APBA1: variants seen among roughly 807,000 people sequenced by gnomAD.
APBA1 encodes amyloid-beta A4 precursor protein-binding family A member 1.
In APBA1, 55 loss-of-function variants were observed where a neutral mutation model predicts 86.6. The observed-to-expected ratio is 0.64, with a 90% confidence interval of 0.51 to 0.80. The LOEUF (loss-of-function observed/expected upper bound fraction) is 0.80. Among genes scored for constraint, APBA1 ranks in the 30% least tolerant of loss-of-function variants. The probability of loss-of-function intolerance (pLI) is 0.00; values close to 1 mark genes in which losing one functional copy is unlikely to be tolerated. For missense variants in APBA1, 1,090 were observed against 1,183.0 expected (o/e 0.92, Z 1.15); for synonymous variants, 511 against 493.9 (o/e 1.03, Z -0.46).
intron 4 of APBA1, among the ~76,000 whole-genome samples, chr9:69,470,636 T>C (rs1003709340): frequency 2.0e-5 from 3 of 152,200 alleles, no homozygotes; most frequent in African/African-American, 7.2e-5. Flanking sequence ...TGAGCCCTGG[T>C]AACCCTTTCC....
chr9:69,637,499 C>T (rs569412832), intron 1 of APBA1, among the ~76,000 whole-genome samples: 1 of 152,180 alleles, frequency 6.6e-6, no homozygotes, highest in African/African-American at 2.4e-5. Context: ...ATATTTATAC[C>T]ACTATGTACC....
In APBA1 at chr9:69,641,999, C is replaced by T. The variant is rs1823297427; in HGVS notation, c.-70+30154G>A. Among the ~76,000 whole-genome samples, 3 of 152,220 alleles carry T rather than the reference C, an allele frequency of 2.0e-5. No individual in the cohort carries two copies. In the South Asian group the frequency reaches 6.2e-4, roughly 32 times the overall value. On this transcript the variant is annotated intron_variant, in intron 1 of 12. Coordinates refer to ENST00000265381, the MANE Select transcript of APBA1 (RefSeq NM_001163.4). ...TAGTTGGGACTACAGGCACACGCCA[C>T]CACACCTGGCTAATTTTTTGTATTT... is the stretch of plus-strand genomic sequence containing the variant.
chr9:69,608,576 A>C (rs889311470), intron 1 of APBA1, among the ~76,000 whole-genome samples: 1 of 152,226 alleles, frequency 6.6e-6, no homozygotes, highest in African/African-American at 2.4e-5. Flanking sequence ...CCAAAAAAAC[A>C]GTATTTATGA....
intron 1 of APBA1, among the ~76,000 whole-genome samples, chr9:69,542,669 G>A (rs1156408703): frequency 6.6e-6 from 1 of 152,204 alleles, no homozygotes; most frequent in Non-Finnish European, 1.5e-5. Flanking sequence ...TGTGTGTATG[G>A]TAAGGGTATT....
intron 9 of APBA1, among the ~76,000 whole-genome samples, chr9:69,450,056 GT>G (rs58417611): frequency 0.3 from 28,352 of 93,972 alleles, 3,498 homozygotes; most frequent in Non-Finnish European, 0.35. Flanking sequence ...AGGACCACCA[GT>G]TTTTTTTTTT....
At chr9:69,665,896 C>T (rs370054245) in intron 1 of APBA1, among the ~76,000 whole-genome samples, 8 of 152,248 alleles carry the variant, frequency 5.3e-5, no homozygotes, top group African/African-American at 1.9e-4. Context: ...CCACCATGCC[C>T]GGCTAATTCT....
chr9:69,669,043 T>C (rs916974707), intron 1 of APBA1, among the ~76,000 whole-genome samples: 10 of 152,178 alleles, frequency 6.6e-5, no homozygotes, highest in Admixed American at 6.5e-4. Flanking sequence ...GATCCACCTC[T>C]GGCCAGGATC....
intron 1 of APBA1, among the ~76,000 whole-genome samples, chr9:69,530,748 C>G (rs1836418591): frequency 1.3e-5 from 2 of 152,102 alleles, no homozygotes. Flanking sequence ...GTTGATCTTA[C>G]TGAAGACAGC....
intron 11 of APBA1, among the ~76,000 whole-genome samples, chr9:69,435,730 T>A (rs1162086197): frequency 1.3e-5 from 2 of 152,192 alleles, no homozygotes; most frequent in Admixed American, 6.5e-5. Flanking sequence ...ATTTTCTCCC[T>A]TTCTGTAGGT....
chr9:69,599,819 A>C (rs187449083), intron 1 of APBA1, among the ~76,000 whole-genome samples: 12 of 152,308 alleles, frequency 7.9e-5, no homozygotes, highest in Non-Finnish European at 1.3e-4. Context: ...TAAGGAGTCT[A>C]TGGCTGCCAA....
chr9:69,467,813 A>T lies in APBA1; in HGVS notation c.1482+10T>A. 1.2e-6 allele frequency: 2 copies of T among 1,614,090 alleles called. No homozygotes were observed. Among genetic ancestry groups the T allele is most frequent in the Non-Finnish European group, 1.7e-6 (2 of 1,179,976 alleles). ...CCCCTGTCCCTGTTGGAGCACCCAGATGTCCTCACCTTGATCCTGCTTACG... is the reference window on the plus strand; with the variant it reads ...CCCCTGTCCCTGTTGGAGCACCCAGTTGTCCTCACCTTGATCCTGCTTACG... On this transcript the variant is annotated intron_variant, in intron 5 of 12. Transcript: ENST00000265381.
intron 1 of APBA1, among the ~76,000 whole-genome samples, chr9:69,630,357 C>A (rs771381241): frequency 1.3e-5 from 2 of 152,148 alleles, no homozygotes; most frequent in African/African-American, 4.8e-5. Context: ...ATTGCTCCCC[C>A]TCTCTGCTAC....
chr9:69,592,677 C>G (rs1031830090), intron 1 of APBA1, among the ~76,000 whole-genome samples: 1 of 152,160 alleles, frequency 6.6e-6, no homozygotes, highest in Admixed American at 6.5e-5. Flanking sequence ...TATGCTCTCA[C>G]GTGCTCACTC....
intron 1 of APBA1, among the ~76,000 whole-genome samples, chr9:69,575,248 A>C (rs1821768526): frequency 6.6e-6 from 1 of 152,128 alleles, no homozygotes; most frequent in Non-Finnish European, 1.5e-5. Context: ...TAAGCATAAA[A>C]TATTATCAAT....
intron 2 of APBA1, among the ~76,000 whole-genome samples, chr9:69,484,744 C>A (rs1388045670): frequency 6.6e-6 from 1 of 152,062 alleles, no homozygotes; most frequent in East Asian, 1.9e-4. Flanking sequence ...GTTCATCCTC[C>A]AACTGCCTCG....
chr9:69,542,186 C>A (rs1368446586), intron 1 of APBA1, among the ~76,000 whole-genome samples: 1 of 152,174 alleles, frequency 6.6e-6, no homozygotes. Flanking sequence ...CCCTACCCTG[C>A]ATACACTTGC....
intron 2 of APBA1, among the ~76,000 whole-genome samples, chr9:69,476,925 C>T (rs1042487535): frequency 6.6e-6 from 1 of 152,176 alleles, no homozygotes; most frequent in African/African-American, 2.4e-5. Context: ...ACAGAAGGTG[C>T]TCCATAAACA....
intron 1 of APBA1, among the ~76,000 whole-genome samples, chr9:69,640,322 G>A (rs556895786): frequency 1.3e-4 from 20 of 152,058 alleles, no homozygotes; most frequent in Admixed American, 6.6e-4. Context: ...CCTCACTCCC[G>A]GGAAATAAAG....
chr9:69,587,025 T>C (rs1822033123), intron 1 of APBA1, among the ~76,000 whole-genome samples: 1 of 152,356 alleles, frequency 6.6e-6, no homozygotes, highest in East Asian at 1.9e-4. Context: ...TCAGAGTGTT[T>C]AGAATTGTAT....
Sources: allele counts gnomAD v4.1 joint callset (sites outside exome capture counted in the v4.1 genomes callset), GRCh38; gene constraint gnomAD v4.1.1; transcripts MANE v1.5; gene names NCBI Gene and HGNC (gene_info 2026-07-23, HGNC 2026-07-21).